PLXNA2: variants seen among roughly 807,000 people sequenced by gnomAD.
PLXNA2 encodes the protein plexin-A2.
In PLXNA2, 91 loss-of-function variants were observed where a neutral mutation model predicts 193.5. That is an observed-to-expected ratio of 0.47 (90% CI 0.40 to 0.56). The LOEUF (loss-of-function observed/expected upper bound fraction) is 0.56, where lower values mean the gene tolerates loss of function less well. Ranked by LOEUF, PLXNA2 falls within the 20% of genes least tolerant of loss-of-function variation. PLXNA2 has a pLI of 0.00. For missense variants in PLXNA2, 1,995 were observed against 2,503.2 expected, an observed-to-expected ratio of 0.80 and a Z score of 4.33; for synonymous variants, 997 against 1,027.3, an observed-to-expected ratio of 0.97 and a Z score of 0.56.
At chr1:208,048,791 A>G (rs944030670) in intron 17 of PLXNA2, among the ~76,000 whole-genome samples, 1 of 152,112 alleles carries the variant, frequency 6.6e-6, no homozygotes, top group African/African-American at 2.4e-5. Flanking sequence ...GGACTGTATT[A>G]ATTACGTCTT....
At chr1:208,062,095 A>C (rs1230656492) in intron 12 of PLXNA2, among the ~76,000 whole-genome samples, 2 of 152,118 alleles carry the variant, frequency 1.3e-5, no homozygotes, top group Non-Finnish European at 2.9e-5. Flanking sequence ...GACTTGATGA[A>C]GATCGAGCGT....
At chr1:208,069,554 C>T (rs1004240454) in intron 12 of PLXNA2, among the ~76,000 whole-genome samples, 15 of 152,164 alleles carry the variant, frequency 9.9e-5, no homozygotes, top group Non-Finnish European at 1.8e-4. Flanking sequence ...CGAAGGGCTG[C>T]ACTGGGGAGG....
At chr1:208,172,357 C>G (rs1249484020) in intron 3 of PLXNA2, among the ~76,000 whole-genome samples, 1 of 151,952 alleles carries the variant, frequency 6.6e-6, no homozygotes, top group African/African-American at 2.4e-5. Context: ...AAAGTGTGTT[C>G]TGTTCTTCCT....
At chr1:208,241,442 C>T (rs142616087) in intron 1 of PLXNA2, among the ~76,000 whole-genome samples, 86 of 152,316 alleles carry the variant, frequency 5.6e-4, no homozygotes, top group African/African-American at 1.5e-3. Context: ...CACTGCCATA[C>T]TCTTCATTTA....
At chr1:208,183,348 C>T (rs1334222800) in intron 3 of PLXNA2, among the ~76,000 whole-genome samples, 1 of 152,212 alleles carries the variant, frequency 6.6e-6, no homozygotes, top group East Asian at 1.9e-4. Context: ...ACTCTGCCTT[C>T]CTGTCTCTTT....
Position 208,044,852 on chromosome 1 carries a change from A to G in PLXNA2, c.3640-110T>C. The G allele has an allele frequency of 1.0e-6, 1 of 998,448 alleles. No individual in the cohort carries two copies. The highest frequency in any genetic ancestry group is 1.5e-6 in the Non-Finnish European group (1 of 667,268). The allele number at this position is 998,448 out of a possible 1,614,324, so 61.8% of individuals were successfully genotyped here. A position where few individuals can be genotyped will look rare whatever the true frequency, so the allele number is the denominator to read the frequency against. On this transcript the variant is annotated intron_variant, in intron 19 of 31. Coordinates refer to ENST00000367033, the MANE Select transcript of PLXNA2 (RefSeq NM_025179.4). This position sits in a 1 kb window ranked among gnomAD's most constrained non-coding sequence, Gnocchi z 4.9. ...AGGACATGACAGACCACAACCACAC[A>G]GTGCAGCTCTAGATAAAAAGCAATT...
intron 4 of PLXNA2, among the ~76,000 whole-genome samples, chr1:208,139,347 ACTGGGT>A (rs1409065113): frequency 6.6e-6 from 1 of 152,164 alleles, no homozygotes; most frequent in East Asian, 1.9e-4. Flanking sequence ...GCTGAGGATG[ACTGGGT>A]GTGTCATGTC....
intron 1 of PLXNA2, among the ~76,000 whole-genome samples, chr1:208,222,007 G>GAACA (rs1671353012): frequency 6.6e-6 from 1 of 152,190 alleles, no homozygotes; most frequent in South Asian, 2.1e-4. Context: ...AAAGCACTTA[G>GAACA]AACAGTTCAT....
chr1:208,038,360 C>G lies in PLXNA2; in HGVS notation c.4764+11G>C. ...GGGAAGCTGAAGAGGGGAAAAGACA[C>G]CCCCTCTCACCTGATAATGCATCAG... On this transcript the variant is annotated intron_variant, in intron 26 of 31. Coordinates refer to ENST00000367033, the MANE Select transcript of PLXNA2 (RefSeq NM_025179.4). This position sits in a 1 kb window ranked among gnomAD's most constrained non-coding sequence, Gnocchi z 4.1. 1.3e-6 allele frequency: 2 copies of G among 1,555,438 alleles called. No individual in the cohort carries two copies. Among genetic ancestry groups the G allele is most frequent in the Non-Finnish European group, 1.8e-6 (2 of 1,126,382 alleles).
intron 3 of PLXNA2, among the ~76,000 whole-genome samples, chr1:208,144,828 ATGT>A (rs1668558849): frequency 6.6e-6 from 1 of 151,978 alleles, no homozygotes; most frequent in Non-Finnish European, 1.5e-5. Flanking sequence ...CCTTCCAGAA[ATGT>A]TGTTAGAAGC....
In PLXNA2 at chr1:208,176,310, C is replaced by T. The variant is rs111306341; in HGVS notation, c.1372-33847G>A. ...CATGGGTAAGAAGAGGCTGTCACCC[C>T]TTCTTTACTCCTCAAATTATGCCTG... On this transcript the variant is annotated intron_variant, in intron 3 of 31. Coordinates refer to ENST00000367033, the MANE Select transcript of PLXNA2 (RefSeq NM_025179.4). Among the ~76,000 whole-genome samples the T allele has an allele frequency of 3.6e-3, 545 of 152,282 alleles. 3 individuals are homozygous for T. The highest frequency in any genetic ancestry group is 0.012 in the African/African-American group (517 of 41,552).
At chr1:208,218,134 T>C (rs1671206056) in intron 1 of PLXNA2, 132 bp from the exon 2 acceptor site, 1 of 715,390 alleles carries the variant, frequency 1.4e-6, no homozygotes, top group African/African-American at 1.8e-5. Context: ...GTTTTTCTAT[T>C]TTTAACATAC....
intron 1 of PLXNA2, among the ~76,000 whole-genome samples, chr1:208,237,889 T>A (rs1331384124): frequency 1.3e-5 from 2 of 152,244 alleles, no homozygotes; most frequent in African/African-American, 4.8e-5. Flanking sequence ...TTTTTCATCC[T>A]TGTATTAGGA....
intron 3 of PLXNA2, among the ~76,000 whole-genome samples, chr1:208,201,862 A>C (rs376654164): frequency 1.1e-4 from 17 of 152,120 alleles, no homozygotes; most frequent in African/African-American, 3.1e-4. Flanking sequence ...TTATTTCTTT[A>C]TGATCTATTT....
rs182337178 is a variant in PLXNA2, at chr1:208,219,426, G to A, written c.-80-1424C>T. 2.2e-3 allele frequency among the ~76,000 whole-genome samples: 341 copies of A among 152,300 alleles called. 1 individual carries two copies. The highest frequency in any genetic ancestry group is 4.0e-3 in the Non-Finnish European group (269 of 68,028). ...ACCAGGAGAAGGCAGCGAGCTGTCC[G>A]GCAGAGAAAGCTTTTCTCAGCTGGA... On this transcript the variant is annotated intron_variant, in intron 1 of 31. Transcript: ENST00000367033.
rs185380282 is a variant in PLXNA2, at chr1:208,226,836, G to A, written c.-80-8834C>T. Among the ~76,000 whole-genome samples, 397 of 152,350 alleles carry A rather than the reference G, an allele frequency of 2.6e-3. 3 individuals are homozygous for A. The highest frequency in any genetic ancestry group is 9.0e-3 in the African/African-American group (374 of 41,580). ...GGCTCTGCCCTCTTCAACCCCCTTT[G>A]GGGGAGGGTCAGGAAGGAGCCCTGC... is the stretch of plus-strand genomic sequence containing the variant. On this transcript the variant is annotated intron_variant, in intron 1 of 31. Transcript: ENST00000367033.
chr1:208,031,427 G>T, intron 29 of PLXNA2, 163 bp downstream of exon 29: 1 of 1,313,814 alleles, frequency 7.6e-7, no homozygotes, highest in Non-Finnish European at 1.0e-6. Context: ...GGACCGTGTG[G>T]GCTCTGCAGA....
chr1:208,054,609 G>C (rs572728902), intron 13 of PLXNA2, 71 bp from the exon 14 acceptor site: 2 of 1,050,142 alleles, frequency 1.9e-6, no homozygotes, highest in African/African-American at 3.1e-5. Context: ...TGCTCTCCCA[G>C]TCATGGCAAA....
Position 208,096,786 on chromosome 1 carries a change from T to A in PLXNA2, c.1829A>T (p.Gln610Leu), listed in dbSNP as rs749487475. ...TEVEGQVSGS[Q>L]VICISPGPKD... ...GGGCCCAGGTGAGATGCAGATGACC[T>A]GGCTCCCGGACACCTGCCCCTCCAC... Residue 610 changes from glutamine (Q) to leucine (L), a missense_variant, in exon 7 of 32, where the codon CAG becomes CTG. Gln to Leu is a moderately radical substitution (Grantham distance 113, BLOSUM62 -2). Coordinates refer to ENST00000367033, the MANE Select transcript of PLXNA2 (RefSeq NM_025179.4). 3.0e-5 allele frequency: 48 copies of A among 1,614,030 alleles called. No homozygotes were observed. The highest frequency in any genetic ancestry group is 3.9e-5 in the Non-Finnish European group (46 of 1,180,034).
Sources: allele counts gnomAD v4.1 joint callset (sites outside exome capture counted in the v4.1 genomes callset), GRCh38; gene constraint gnomAD v4.1.1; non-coding constraint Gnocchi (gnomAD v3.1); transcripts MANE v1.5; gene names NCBI Gene and HGNC (gene_info 2026-07-23, HGNC 2026-07-21).